LDAH: variants seen among roughly 807,000 people sequenced by gnomAD.
The protein encoded by LDAH is lipid droplet associated hydrolase.
Under a neutral mutation model 29.6 loss-of-function variants are expected in LDAH, and 26 were observed. The ratio of observed to expected loss-of-function variants is 0.88; its 90% CI spans 0.64 to 1.22. The LOEUF is 1.22. LDAH is among the 50% of genes most tolerant of loss of function. The pLI is 0.00. For synonymous variants in LDAH, 117 were observed against 133.0 expected (o/e 0.88, Z 0.83); for missense variants, 344 against 387.3 (o/e 0.89, Z 0.94).
Position 20,698,101 on chromosome 2 carries a change from C to G in LDAH, c.786+3469G>C, listed in dbSNP as rs149286441. On this transcript the variant is annotated intron_variant, in intron 6 of 6. Transcript: ENST00000237822. The surrounding 1 kb of genome is among the most constrained non-coding windows in gnomAD (Gnocchi z 4.4). ...ATGAGAGAGCGAAAGAGATGCATGG[C>G]ACAAAAAAGGTTTAGAATCCACACT... Among the ~76,000 whole-genome samples, 3 of 152,088 alleles carry G rather than the reference C, an allele frequency of 2.0e-5. No individual in the cohort carries two copies. The highest frequency in any genetic ancestry group is 2.9e-5 in the Non-Finnish European group (2 of 68,006).
At chr2:20,807,190 A>C (rs1378003545) in intron 1 of LDAH, among the ~76,000 whole-genome samples, 3 of 152,030 alleles carry the variant, frequency 2.0e-5, no homozygotes, top group African/African-American at 7.2e-5. Context: ...ACAAACAAAC[A>C]AAAAAACCAA....
chr2:20,808,429 C>G (rs1057312375), intron 1 of LDAH, among the ~76,000 whole-genome samples: 3 of 151,882 alleles, frequency 2.0e-5, no homozygotes, highest in African/African-American at 7.3e-5. Context: ...TTTGGGAGGC[C>G]GAGGCGGGCG....
chr2:20,784,312 G>T (rs912864492), intron 3 of LDAH, among the ~76,000 whole-genome samples: 4 of 152,072 alleles, frequency 2.6e-5, no homozygotes, highest in African/African-American at 9.7e-5. Context: ...AGGCTGAGGT[G>T]GGAATGATCA....
intron 1 of LDAH, among the ~76,000 whole-genome samples, chr2:20,807,229 T>C (rs1672127033): frequency 6.6e-6 from 1 of 151,920 alleles, no homozygotes. Flanking sequence ...GAAAACAGAC[T>C]AGAAGACTCT....
At chr2:20,716,270 A>G (rs1665170663) in intron 5 of LDAH, among the ~76,000 whole-genome samples, 1 of 152,138 alleles carries the variant, frequency 6.6e-6, no homozygotes, top group Admixed American at 6.5e-5. Context: ...ATAAAGACAC[A>G]TGCACACGTA....
At chr2:20,712,585 T>C (rs900458945) in intron 5 of LDAH, among the ~76,000 whole-genome samples, 1 of 151,876 alleles carries the variant, frequency 6.6e-6, no homozygotes, top group African/African-American at 2.4e-5. Context: ...ATAACAAACT[T>C]CTCCAAGCTA....
chr2:20,733,314 T>C (rs1291040224), intron 5 of LDAH, among the ~76,000 whole-genome samples: 1 of 152,014 alleles, frequency 6.6e-6, no homozygotes, highest in East Asian at 1.9e-4. Flanking sequence ...TACCGCAGCC[T>C]TGGCCTCCTG....
intron 1 of LDAH, among the ~76,000 whole-genome samples, chr2:20,816,327 G>A (rs1286978995): frequency 6.6e-6 from 1 of 152,092 alleles, no homozygotes; most frequent in African/African-American, 2.4e-5. Context: ...AAAAGACAGA[G>A]ATTGGCAGAG....
intron 1 of LDAH, among the ~76,000 whole-genome samples, chr2:20,815,849 A>G (rs1471643233): frequency 6.6e-6 from 1 of 152,178 alleles, no homozygotes; most frequent in Non-Finnish European, 1.5e-5. Flanking sequence ...TGGAACGGGT[A>G]ATAGTCATGG....
intron 3 of LDAH, among the ~76,000 whole-genome samples, chr2:20,778,732 A>T (rs1326508023): frequency 6.6e-6 from 1 of 152,206 alleles, no homozygotes; most frequent in African/African-American, 2.4e-5. Flanking sequence ...AACACAGTTT[A>T]TTGGATCACA....
rs182216501 is a variant in LDAH at position 20,718,313 on chromosome 2, T to C, written c.704-16661A>G. On this transcript the variant is annotated intron_variant, in intron 5 of 6. Coordinates refer to ENST00000237822, the MANE Select transcript of LDAH (RefSeq NM_021925.4). ...TACCCATAGAGTAAAAGTGAAGAGA[T>C]GGAAAAAGATACTCCATGCAAATGG... 1.0e-3 allele frequency among the ~76,000 whole-genome samples: 157 copies of C among 152,038 alleles called. 4 individuals are homozygous for C. The highest frequency in any genetic ancestry group is 0.01 in the East Asian group (52 of 5,174).
chr2:20,715,500 T>C (rs1261925613), intron 5 of LDAH, among the ~76,000 whole-genome samples: 1 of 152,184 alleles, frequency 6.6e-6, no homozygotes, highest in East Asian at 1.9e-4. Flanking sequence ...TCACCACACC[T>C]ATTTAACATA....
At chr2:20,757,553 G>A (rs1167992706) in intron 4 of LDAH, among the ~76,000 whole-genome samples, 1 of 152,184 alleles carries the variant, frequency 6.6e-6, no homozygotes, top group Non-Finnish European at 1.5e-5. Context: ...GCCAAGCTGT[G>A]ATGGTCAATT....
intron 4 of LDAH, among the ~76,000 whole-genome samples, chr2:20,755,575 G>C (rs780178786): frequency 3.5e-4 from 53 of 152,286 alleles, no homozygotes; most frequent in Admixed American, 8.5e-4. Context: ...CTTGATGAAT[G>C]AAAGGCTGGC....
At chr2:20,723,156 T>G (rs566059636) in intron 5 of LDAH, among the ~76,000 whole-genome samples, 1 of 152,340 alleles carries the variant, frequency 6.6e-6, no homozygotes, top group South Asian at 2.1e-4. Context: ...AGTGGAAAAG[T>G]ATTTAGTAAT....
At position 20,701,255 on chromosome 2, in the gene LDAH, T is replaced by C. The variant is rs569083739; in HGVS notation, c.786+315A>G. 1.7e-3 allele frequency among the ~76,000 whole-genome samples: 262 copies of C among 152,330 alleles called. 1 individual carries two copies. The highest frequency in any genetic ancestry group is 2.8e-3 in the Non-Finnish European group (189 of 68,030). On this transcript the variant is annotated intron_variant, in intron 6 of 6. Transcript: ENST00000237822. ...CTGTTTCATTTATATTCCAACATTA[T>C]TTATTCTATAAATATTATGGAGTTT...
chr2:20,780,759 ACTT>A (rs916388360), intron 3 of LDAH, among the ~76,000 whole-genome samples: 25 of 152,198 alleles, frequency 1.6e-4, no homozygotes, highest in African/African-American at 5.8e-4. Context: ...TTGATTCCTA[ACTT>A]CTTCTCTTGC....
rs184623886 is a variant in LDAH, at chr2:20,765,406, C to T, written c.468+9404G>A. Among the ~76,000 whole-genome samples the T allele has an allele frequency of 5.9e-3, 893 of 152,314 alleles. 30 individuals are homozygous for T. The highest frequency in any genetic ancestry group is 0.051 in the Admixed American group (780 of 15,296). ...CATTATTTCACTAAAAGTCTGTCTT[C>T]GAGGACACCAAGAACCTTTTACTCT... On this transcript the variant is annotated intron_variant, in intron 4 of 6. Coordinates refer to ENST00000237822, the MANE Select transcript of LDAH (RefSeq NM_021925.4).
chr2:20,702,230 T>C (rs1663997189), intron 5 of LDAH, among the ~76,000 whole-genome samples: 1 of 152,218 alleles, frequency 6.6e-6, no homozygotes, highest in African/African-American at 2.4e-5. Context: ...ACGCCAGAGA[T>C]AACATGAGTT....
Sources: allele counts gnomAD v4.1 joint callset (sites outside exome capture counted in the v4.1 genomes callset), GRCh38; gene constraint gnomAD v4.1.1; non-coding constraint Gnocchi (gnomAD v3.1); transcripts MANE v1.5; gene names NCBI Gene and HGNC (gene_info 2026-07-23, HGNC 2026-07-21).